KCTD1: variants seen among roughly 807,000 people sequenced by gnomAD.
KCTD1 encodes potassium channel tetramerization domain containing 1, also known as BTB/POZ domain-containing protein KCTD1.
KCTD1 carries 24 observed loss-of-function variants against 66.0 expected under a neutral mutation model. The ratio of observed to expected loss-of-function variants is 0.36; its 90% CI spans 0.26 to 0.51. The LOEUF (loss-of-function observed/expected upper bound fraction) is 0.51. Among genes scored for constraint, KCTD1 ranks in the 20% least tolerant of loss-of-function variants. The pLI, the probability that KCTD1 is intolerant of heterozygous loss-of-function variation, is 0.95. For synonymous variants in KCTD1, 511 were observed against 517.2 expected, an observed-to-expected ratio of 0.99 and a Z score of 0.16; for missense variants, 943 against 1,205.2, an observed-to-expected ratio of 0.78 and a Z score of 3.22.
At chr18:26,461,206 C>T (rs898629096) in intron 3 of KCTD1, among the ~76,000 whole-genome samples, 5 of 152,192 alleles carry the variant, frequency 3.3e-5, no homozygotes, top group Admixed American at 6.5e-5. Flanking sequence ...GCAGCTGTAG[C>T]GGCATTATTC....
At chr18:26,620,132 T>A (rs905370997) in intron 1 of KCTD1, among the ~76,000 whole-genome samples, 11 of 152,056 alleles carry the variant, frequency 7.2e-5, no homozygotes, top group African/African-American at 2.4e-4. Context: ...TTCTGTCTCA[T>A]AATCAGACCT....
At chr18:26,503,050 T>G (rs1254815145) in intron 1 of KCTD1, among the ~76,000 whole-genome samples, 1 of 152,218 alleles carries the variant, frequency 6.6e-6, no homozygotes, top group Non-Finnish European at 1.5e-5. Context: ...AATGGGGTGG[T>G]GACTGGGCCT....
At chr18:26,579,360 GTGAT>G (rs1294808316) in intron 1 of KCTD1, among the ~76,000 whole-genome samples, 1 of 152,124 alleles carries the variant, frequency 6.6e-6, no homozygotes, top group Non-Finnish European at 1.5e-5. Flanking sequence ...AACATATTTG[GTGAT>G]TGGTTAATTG....
At chr18:26,617,837 A>T (rs1987287037) in intron 1 of KCTD1, among the ~76,000 whole-genome samples, 1 of 80,554 alleles carries the variant, frequency 1.2e-5, no homozygotes. Flanking sequence ...AGGAAGAAGG[A>T]AGGAAGGAAG....
chr18:26,527,690 T>C (rs1984237212), intron 1 of KCTD1, among the ~76,000 whole-genome samples: 1 of 152,318 alleles, frequency 6.6e-6, no homozygotes, highest in Middle Eastern at 3.4e-3. Context: ...TTTCAGCAAT[T>C]GCAGCAAATG....
chr18:26,569,483 CCT>C (rs1567996674), intron 1 of KCTD1, among the ~76,000 whole-genome samples: 1 of 152,128 alleles, frequency 6.6e-6, no homozygotes, highest in Non-Finnish European at 1.5e-5. Context: ...ACACTTCCTA[CCT>C]CTCTCGCCTT....
intron 1 of KCTD1, among the ~76,000 whole-genome samples, chr18:26,542,695 G>A (rs1412067004): frequency 6.6e-6 from 1 of 152,170 alleles, no homozygotes; most frequent in Non-Finnish European, 1.5e-5. Context: ...GCCTTTTGGT[G>A]ACATTTGCTT....
At chr18:26,643,703 C>G (rs1359338452), upstream of KCTD1, among the ~76,000 whole-genome samples, 2 of 152,122 alleles carry the variant, frequency 1.3e-5, no homozygotes, top group African/African-American at 2.4e-5. Context: ...TGGCTCACGC[C>G]TGTAATCCCA....
intron 1 of KCTD1, among the ~76,000 whole-genome samples, chr18:26,540,612 G>A (rs879018332): frequency 6.6e-6 from 1 of 152,068 alleles, no homozygotes; most frequent in South Asian, 2.1e-4. Flanking sequence ...TACTCAACCT[G>A]AAGATGACAA....
intron 1 of KCTD1, among the ~76,000 whole-genome samples, chr18:26,637,230 T>C (rs1176410616): frequency 1.3e-5 from 2 of 152,216 alleles, no homozygotes; most frequent in African/African-American, 4.8e-5. Context: ...TCCTCCTGAC[T>C]CTATCGTCTC....
chr18:26,477,641 G>A (rs1981418555), intron 2 of KCTD1, among the ~76,000 whole-genome samples: 1 of 152,116 alleles, frequency 6.6e-6, no homozygotes, highest in South Asian at 2.1e-4. Context: ...TTGAAGTGGG[G>A]CAGGTGTAAT....
At chr18:26,584,211 CTG>C (rs1388033907) in intron 1 of KCTD1, among the ~76,000 whole-genome samples, 2 of 152,126 alleles carry the variant, frequency 1.3e-5, no homozygotes, top group Non-Finnish European at 2.9e-5. Flanking sequence ...GTGGATCCAC[CTG>C]TGTTATCCAA....
intron 1 of KCTD1, among the ~76,000 whole-genome samples, chr18:26,592,948 A>G (rs752355819): frequency 6.6e-6 from 1 of 152,214 alleles, no homozygotes; most frequent in Non-Finnish European, 1.5e-5. Flanking sequence ...TGGGCTGCAT[A>G]TGACTGAAAG....
upstream of KCTD1, among the ~76,000 whole-genome samples, chr18:26,645,042 T>C (rs932933871): frequency 6.6e-6 from 1 of 152,194 alleles, no homozygotes. Flanking sequence ...CTAACGTGTA[T>C]GTTCCAAGAA....
intron 2 of KCTD1, among the ~76,000 whole-genome samples, chr18:26,486,006 C>T (rs1227729645): frequency 1.3e-5 from 2 of 151,500 alleles, no homozygotes; most frequent in Non-Finnish European, 2.9e-5. Context: ...CTCCACCTCC[C>T]GGGTTCAAGC....
rs1410663356 is a variant in KCTD1, at chr18:26,501,356, TA to T, written c.1810-107del. 5 of 998,086 alleles carry T rather than the reference TA, an allele frequency of 5.0e-6. No homozygotes were observed. The African/African-American group carries it at 8.2e-5, about 16-fold the overall frequency. The allele number at this position is 998,086 out of a possible 1,614,324, so 61.8% of individuals were successfully genotyped here. ...CGAGTGATTAACGATACTCATTCAG[TA>T]ATAAAACCTGAAAAACCGGCAAGCT... is the stretch of plus-strand genomic sequence containing the variant. On this transcript the variant is annotated intron_variant, in intron 1 of 4. Transcript: ENST00000580059.
chr18:26,542,540 AGTTTTATTG>A (rs893970684), intron 1 of KCTD1, among the ~76,000 whole-genome samples: 2 of 152,190 alleles, frequency 1.3e-5, no homozygotes, highest in African/African-American at 4.8e-5. Context: ...TTGAAACTCA[AGTTTTATTG>A]GATAACTGAA....
At chr18:26,578,159 C>T (rs967933200) in intron 1 of KCTD1, among the ~76,000 whole-genome samples, 1 of 148,230 alleles carries the variant, frequency 6.7e-6, no homozygotes, top group Non-Finnish European at 1.5e-5. Context: ...TGGGTTCAAG[C>T]GATCTCCTGC....
Position 26,468,870 on chromosome 18 carries a change from G to A in KCTD1, c.2133+7645C>T, listed in dbSNP as rs11875314. The stretch of plus-strand genomic sequence containing the variant: ...TCAAAGAAACCAAAAAACCCCAAAA[G>A]CCATGTCCCTCCCAGGTTCAAGAGA... On this transcript the variant is annotated intron_variant, in intron 3 of 4. Transcript: ENST00000580059. This position sits in a 1 kb window ranked among gnomAD's most constrained non-coding sequence, Gnocchi z 4.8. 0.12 allele frequency among the ~76,000 whole-genome samples: 18,779 copies of A among 152,064 alleles called. 1,471 individuals are homozygous for A. Among genetic ancestry groups the A allele is most frequent in the African/African-American group, 0.21 (8,616 of 41,468 alleles).
Sources: allele counts gnomAD v4.1 joint callset (sites outside exome capture counted in the v4.1 genomes callset), GRCh38; gene constraint gnomAD v4.1.1; non-coding constraint Gnocchi (gnomAD v3.1); transcripts MANE v1.5; gene names NCBI Gene and HGNC (gene_info 2026-07-23, HGNC 2026-07-21).